RTL4: variants seen among roughly 807,000 people sequenced by gnomAD.
RTL4 encodes retrotransposon Gag-like protein 4.
A neutral mutation model predicts 5.3 loss-of-function variants in RTL4; 4 were observed. That is an observed-to-expected ratio of 0.75 (90% confidence interval 0.37 to 1.72). The LOEUF is 1.72. Among genes scored for constraint, RTL4 ranks in the 40% most tolerant of loss-of-function variants. The probability of loss-of-function intolerance (pLI) is 0.04; values close to 1 mark genes in which losing one functional copy is unlikely to be tolerated. For synonymous variants in RTL4, 98 were observed against 87.3 expected (o/e 1.12, Z -0.68); for missense variants, 260 against 227.1 (o/e 1.14, Z -0.93).
At chrX:112,365,394 A>C in the RTL4 span, among the ~76,000 whole-genome samples, 6 of 110,979 alleles carry the variant, frequency 5.4e-5, no homozygotes, top group Non-Finnish European at 9.5e-5. Context: ...GTAAGAAGTC[A>C]ATCATTTCAT....
At chrX:112,251,041 T>G in the RTL4 span, among the ~76,000 whole-genome samples, 1 of 112,094 alleles carries the variant, frequency 8.9e-6, no homozygotes, top group Non-Finnish European at 1.9e-5. Context: ...ACTAAGTGGT[T>G]GTTGTTGTTC....
the RTL4 span, among the ~76,000 whole-genome samples, chrX:112,296,937 A>G: frequency 4.5e-5 from 5 of 110,067 alleles, no homozygotes; most frequent in South Asian, 3.9e-4. Context: ...TTTCTTTGCC[A>G]TCTCTTTCTT....
chrX:112,372,594 T>C, the RTL4 span, among the ~76,000 whole-genome samples: 2 of 111,243 alleles, frequency 1.8e-5, no homozygotes, highest in African/African-American at 3.3e-5. Context: ...AGAAGGATCC[T>C]GGGAAGCAAC....
At chrX:112,147,556 C>T in the RTL4 span, among the ~76,000 whole-genome samples, 2 of 111,813 alleles carry the variant, frequency 1.8e-5, no homozygotes, top group African/African-American at 6.5e-5. Flanking sequence ...CTCCTCACTG[C>T]TCCCATTTTG....
At chrX:112,244,574 G>C in the RTL4 span, among the ~76,000 whole-genome samples, 2 of 110,759 alleles carry the variant, frequency 1.8e-5, no homozygotes, top group Admixed American at 1.9e-4. Flanking sequence ...GCTTTATTTT[G>C]AGCCTATGTG....
At chrX:112,132,125 G>T in the RTL4 span, among the ~76,000 whole-genome samples, 1 of 111,348 alleles carries the variant, frequency 9.0e-6, no homozygotes, top group Admixed American at 9.5e-5. Flanking sequence ...GAAACAACAG[G>T]TTAATAGACA....
the RTL4 span, among the ~76,000 whole-genome samples, chrX:112,423,111 TG>T: frequency 7.4e-5 from 8 of 107,708 alleles, no homozygotes; most frequent in South Asian, 4.2e-4. Context: ...TCATTGTGTG[TG>T]GGGGGGGGAT....
the RTL4 span, among the ~76,000 whole-genome samples, chrX:112,282,567 G>A: frequency 8.9e-6 from 1 of 111,777 alleles, no homozygotes; most frequent in African/African-American, 3.2e-5. Flanking sequence ...TATCAAATCT[G>A]TAGATAACTT....
chrX:112,361,994 C>A, the RTL4 span, among the ~76,000 whole-genome samples: 1 of 111,854 alleles, frequency 8.9e-6, no homozygotes, highest in Non-Finnish European at 1.9e-5. Flanking sequence ...TGTTTATAGA[C>A]TCACTTTTCC....
the RTL4 span, among the ~76,000 whole-genome samples, chrX:112,344,087 G>C: frequency 3.6e-5 from 4 of 112,049 alleles, no homozygotes; most frequent in Admixed American, 9.5e-5. Context: ...CCAAGTGCTA[G>C]CCTTAACATT....
At chrX:112,157,113 A>T in the RTL4 span, among the ~76,000 whole-genome samples, 1 of 106,321 alleles carries the variant, frequency 9.4e-6, no homozygotes, top group Non-Finnish European at 1.9e-5. Flanking sequence ...TCTGTGTTTT[A>T]GCGATTTAAT....
the RTL4 span, among the ~76,000 whole-genome samples, chrX:112,279,588 C>G: frequency 9.1e-6 from 1 of 110,009 alleles, no homozygotes; most frequent in Non-Finnish European, 1.9e-5. Context: ...TATAGTCCAC[C>G]AAAATGAGGA....
the RTL4 span, among the ~76,000 whole-genome samples, chrX:112,348,515 C>T: frequency 9.1e-6 from 1 of 110,004 alleles, no homozygotes. Context: ...CACATACACC[C>T]ACAGAAGGAA....
chrX:112,249,045 A>T, the RTL4 span, among the ~76,000 whole-genome samples: 2 of 112,373 alleles, frequency 1.8e-5, no homozygotes, highest in African/African-American at 6.5e-5. Context: ...TAAGGCTTCA[A>T]CCAGAGCCCA....
the RTL4 span, among the ~76,000 whole-genome samples, chrX:112,229,755 C>A: frequency 7.1e-5 from 8 of 112,317 alleles, no homozygotes; most frequent in Middle Eastern, 4.6e-3. Context: ...ACAGTCAGGA[C>A]CCTCAGCTGC....
the RTL4 span, among the ~76,000 whole-genome samples, chrX:112,158,160 C>A: frequency 9.0e-6 from 1 of 110,977 alleles, no homozygotes; most frequent in Non-Finnish European, 1.9e-5. Context: ...AAGCTCCCTG[C>A]CTTTGATAAA....
chrX:112,317,200 G>T, the RTL4 span, among the ~76,000 whole-genome samples: 1 of 111,277 alleles, frequency 9.0e-6, no homozygotes, highest in South Asian at 3.8e-4. Context: ...AATTAACCGG[G>T]CATGGTGGCG....
chrX:112,174,284 A>G, the RTL4 span, among the ~76,000 whole-genome samples: 1 of 83,606 alleles, frequency 1.2e-5, no homozygotes, highest in African/African-American at 4.7e-5. Context: ...TCCTGTGTCC[A>G]TGTGTTCTCA....
At chrX:112,391,272 G>A in the RTL4 span, among the ~76,000 whole-genome samples, 2 of 111,151 alleles carry the variant, frequency 1.8e-5, no homozygotes, top group East Asian at 2.8e-4. Flanking sequence ...ACTGAATCTC[G>A]ATGATCTTCA....
Sources: gnomAD v4.1 joint callset for allele counts (sites outside exome capture counted in the v4.1 genomes callset) on GRCh38, gnomAD v4.1.1 for gene constraint, MANE v1.5 for transcripts, NCBI Gene and HGNC (gene_info 2026-07-23, HGNC 2026-07-21) for gene names.